Variants in NNT observed in about 807,000 individuals in gnomAD.
The protein encoded by NNT is nicotinamide nucleotide transhydrogenase, also known as NAD(P) transhydrogenase, mitochondrial.
In NNT, 50 loss-of-function variants were observed where a neutral mutation model predicts 104.8. The observed-to-expected ratio is 0.48, with a 90% CI of 0.38 to 0.60. The LOEUF (loss-of-function observed/expected upper bound fraction) is 0.60. NNT is among the 20% of genes least tolerant of loss of function. The pLI, the probability that NNT is intolerant of heterozygous loss-of-function variation, is 0.00. For synonymous variants in NNT, 461 were observed against 490.4 expected, an observed-to-expected ratio of 0.94 and a Z score of 0.79; for missense variants, 1,131 against 1,330.7, an observed-to-expected ratio of 0.85 and a Z score of 2.33.
At chr5:43,658,060 G>C (rs1740149461) in intron 16 of NNT, among the ~76,000 whole-genome samples, 1 of 152,040 alleles carries the variant, frequency 6.6e-6, no homozygotes, top group African/African-American at 2.4e-5. Context: ...GCTTGAACCT[G>C]GGAGGCGGAG....
At chr5:43,657,697 TA>T (rs1288834460) in intron 16 of NNT, among the ~76,000 whole-genome samples, 1 of 152,206 alleles carries the variant, frequency 6.6e-6, no homozygotes, top group Non-Finnish European at 1.5e-5. Flanking sequence ...AAAAGTAAAT[TA>T]AAATCTCATC....
At chr5:43,685,402 C>T (rs184125884) in intron 19 of NNT, among the ~76,000 whole-genome samples, 72 of 152,150 alleles carry the variant, frequency 4.7e-4, no homozygotes, top group Non-Finnish European at 7.9e-4. Context: ...GGGAAAGTAA[C>T]TGAACATTTG....
intron 12 of NNT, 126 bp from the exon 13 acceptor site, chr5:43,651,613 A>T: frequency 1.9e-6 from 2 of 1,052,092 alleles, no homozygotes; most frequent in East Asian, 2.4e-5. Context: ...ATGTTACTTT[A>T]AATTATATTT....
intron 2 of NNT, among the ~76,000 whole-genome samples, chr5:43,609,781 G>A (rs1295287847): frequency 6.6e-6 from 1 of 152,194 alleles, no homozygotes; most frequent in Non-Finnish European, 1.5e-5. Flanking sequence ...CAGTTGCTCA[G>A]GTCAGAAACC....
chr5:43,704,546 CTG>C lies in NNT; in HGVS notation c.*144_*145del. 1 of 733,338 alleles carries C rather than the reference CTG, an allele frequency of 1.4e-6. No individual in the cohort carries two copies. Among genetic ancestry groups the C allele is most frequent in the Non-Finnish European group, 2.1e-6 (1 of 484,804 alleles). The allele number at this position is 733,338 out of a possible 1,614,324, so 45.4% of individuals were successfully genotyped here. A position where few individuals can be genotyped will look rare whatever the true frequency, so the allele number is the denominator to read the frequency against. On this transcript the variant is annotated 3_prime_UTR_variant, in exon 22 of 22. Transcript: ENST00000344920. Reference sequence around the variant, plus strand: ...AAGACTGAAGAAAGCAAAGCAAAAACTGTATAGAGAGATTTTTCAAAAGCAGT... The same window carrying C: ...AAGACTGAAGAAAGCAAAGCAAAAACTATAGAGAGATTTTTCAAAAGCAGT...
intron 16 of NNT, among the ~76,000 whole-genome samples, chr5:43,658,471 A>C (rs772118952): frequency 6.6e-6 from 1 of 152,156 alleles, no homozygotes; most frequent in Admixed American, 6.5e-5. Context: ...TTCAAAGGGT[A>C]TTGATTATTA....
rs147557526 is a variant in NNT at position 43,648,808 on chromosome 5, G to T, written c.1445-339G>T. ...TAGGCCTGTAATCGGGAATAAAAAT[G>T]CTTATATAAACACATGTGGCATTGT... On this transcript the variant is annotated intron_variant, in intron 10 of 21. Coordinates refer to ENST00000344920, the MANE Select transcript of NNT (RefSeq NM_182977.3). Among the ~76,000 whole-genome samples, 123 of 152,324 alleles carry T rather than the reference G, an allele frequency of 8.1e-4. 1 individual carries two copies. In the East Asian group the frequency reaches 0.019, roughly 23 times the overall value.
At chr5:43,641,611 A>G (rs1030766765) in intron 7 of NNT, among the ~76,000 whole-genome samples, 4 of 152,172 alleles carry the variant, frequency 2.6e-5, no homozygotes, top group African/African-American at 4.8e-5. Context: ...ACATTCATGT[A>G]TATAAATATA....
intron 17 of NNT, among the ~76,000 whole-genome samples, chr5:43,674,242 G>A (rs1285952254): frequency 6.6e-6 from 1 of 151,978 alleles, no homozygotes; most frequent in Admixed American, 6.6e-5. Context: ...TGAAATTTAC[G>A]TTATTTAGGC....
At chr5:43,657,901 G>A (rs1280742059) in intron 16 of NNT, among the ~76,000 whole-genome samples, 5 of 152,132 alleles carry the variant, frequency 3.3e-5, no homozygotes, top group Admixed American at 1.3e-4. Flanking sequence ...TTGGGAGGCC[G>A]AGGTGGGTGG....
intron 19 of NNT, among the ~76,000 whole-genome samples, chr5:43,693,077 T>C (rs915261786): frequency 3.9e-5 from 6 of 152,128 alleles, no homozygotes; most frequent in African/African-American, 1.4e-4. Context: ...TTTTTCCTAG[T>C]TCTTCTTTTA....
At chr5:43,620,271 G>A (rs1332446269) in intron 5 of NNT, among the ~76,000 whole-genome samples, 1 of 151,912 alleles carries the variant, frequency 6.6e-6, no homozygotes, top group African/African-American at 2.4e-5. Flanking sequence ...CCAGACTGGA[G>A]TGCAGTGGCA....
intron 11 of NNT, among the ~76,000 whole-genome samples, 190 bp downstream of exon 11, chr5:43,649,498 C>A (rs1408131078): frequency 6.6e-6 from 1 of 151,882 alleles, no homozygotes; most frequent in East Asian, 1.9e-4. Flanking sequence ...GAGTAAGAGG[C>A]CGTGGGAGTG....
intron 2 of NNT, among the ~76,000 whole-genome samples, chr5:43,612,139 C>T (rs1314100875): frequency 6.6e-6 from 1 of 152,144 alleles, no homozygotes; most frequent in South Asian, 2.1e-4. Flanking sequence ...CCTTTGATTA[C>T]CTCATAGCTG....
intron 19 of NNT, among the ~76,000 whole-genome samples, chr5:43,682,707 A>G (rs928506916): frequency 6.6e-6 from 1 of 152,234 alleles, no homozygotes; most frequent in Non-Finnish European, 1.5e-5. Context: ...CGAAATAGAC[A>G]TTATTTAGCA....
chr5:43,677,389 T>A (rs946954598), intron 18 of NNT, among the ~76,000 whole-genome samples: 2 of 143,990 alleles, frequency 1.4e-5, no homozygotes, highest in African/African-American at 2.6e-5. Flanking sequence ...ATGAAGAGAG[T>A]TTAAAAACAT....
chr5:43,655,254 C>T lies in NNT; in HGVS notation c.2060-586C>T, dbSNP rs75418243. ...CTAGGGGAAGGTTGGGAGTTTGTGA[C>T]GGGAAGAGGCACGCATTGATGCTGG... On this transcript the variant is annotated intron_variant, in intron 14 of 21. Coordinates refer to ENST00000344920, the MANE Select transcript of NNT (RefSeq NM_182977.3). Among the ~76,000 whole-genome samples, 25 of 152,214 alleles carry T rather than the reference C, an allele frequency of 1.6e-4. No homozygotes were observed. In the South Asian group the frequency reaches 2.3e-3, roughly 14 times the overall value.
At chr5:43,670,401 T>C (rs1041765496) in intron 17 of NNT, among the ~76,000 whole-genome samples, 1 of 152,238 alleles carries the variant, frequency 6.6e-6, no homozygotes, top group Non-Finnish European at 1.5e-5. Context: ...TCTTTTCTGC[T>C]TTCTCTTGTG....
chr5:43,609,085 T>C lies in NNT; in HGVS notation c.-53-58T>C, dbSNP rs1342562430. On this transcript the variant is annotated intron_variant, in intron 1 of 21. Transcript: ENST00000344920. Reference sequence around the variant, plus strand: ...AGTATTTTTAAAATGTTTTTCATGTTTAAAAGACAAATAGTTTTTTTCTTG... The same window carrying C: ...AGTATTTTTAAAATGTTTTTCATGTCTAAAAGACAAATAGTTTTTTTCTTG... The C allele has an allele frequency of 8.8e-6, 7 of 795,964 alleles. No individual in the cohort carries two copies. The East Asian group carries it at 1.7e-4, about 20-fold the overall frequency. The allele number at this position is 795,964 out of a possible 1,614,324, so 49.3% of individuals were successfully genotyped here. A position where few individuals can be genotyped will look rare whatever the true frequency, so the allele number is the denominator to read the frequency against.
Sources: allele counts gnomAD v4.1 joint callset (sites outside exome capture counted in the v4.1 genomes callset), GRCh38; gene constraint gnomAD v4.1.1; transcripts MANE v1.5; gene names NCBI Gene and HGNC (gene_info 2026-07-23, HGNC 2026-07-21).